ZMIZ1: variants seen among roughly 807,000 people sequenced by gnomAD.
ZMIZ1 encodes zinc finger MIZ domain-containing protein 1.
ZMIZ1 carries 17 observed loss-of-function variants against 113.9 expected under a neutral mutation model. The ratio of observed to expected loss-of-function variants is 0.15; its 90% CI spans 0.10 to 0.22. The LOEUF (loss-of-function observed/expected upper bound fraction) is 0.22. ZMIZ1 is among the 10% of genes least tolerant of loss of function. The probability of loss-of-function intolerance (pLI) is 1.00; values close to 1 mark genes in which losing one functional copy is unlikely to be tolerated. For missense variants in ZMIZ1, 1,059 were observed against 1,477.8 expected (o/e 0.72, Z 4.65); for synonymous variants, 607 against 603.1 (o/e 1.01, Z -0.09).
chr10:79,181,005 A>G (rs1589386403), intron 4 of ZMIZ1, among the ~76,000 whole-genome samples: 1 of 152,234 alleles, frequency 6.6e-6, no homozygotes, highest in Non-Finnish European at 1.5e-5. Context: ...AGGCTGAGTG[A>G]AGGGAAGTGA....
rs1801061816 is a variant in ZMIZ1 at position 79,118,200 on chromosome 10, C to T, written c.-336-715C>T. Among the ~76,000 whole-genome samples, 1 of 152,194 alleles carries T rather than the reference C, an allele frequency of 6.6e-6. No homozygotes were observed. Among genetic ancestry groups the T allele is most frequent in the African/African-American group, 2.4e-5 (1 of 41,450 alleles). ...TCCCTTTCTTCTCATCAATCTGACC[C>T]CATATTCTAGAATCGAATAGAGGAA... is the stretch of plus-strand genomic sequence containing the variant. On this transcript the variant is annotated intron_variant, in intron 1 of 24. Transcript: ENST00000334512. The surrounding 1 kb of genome is among the most constrained non-coding windows in gnomAD (Gnocchi z 4.1).
chr10:79,258,139 T>C (rs1002520251), intron 7 of ZMIZ1, among the ~76,000 whole-genome samples: 2 of 152,166 alleles, frequency 1.3e-5, no homozygotes, highest in Non-Finnish European at 2.9e-5. Flanking sequence ...CCCAGCACTT[T>C]GGGAGGCTGA....
At chr10:79,254,684 G>C (rs1331951609) in intron 7 of ZMIZ1, among the ~76,000 whole-genome samples, 2 of 152,258 alleles carry the variant, frequency 1.3e-5, no homozygotes, top group Non-Finnish European at 2.9e-5. Context: ...CCATTTGGGT[G>C]GGGGATGGCC....
chr10:79,235,318 G>C (rs900786224), intron 7 of ZMIZ1, among the ~76,000 whole-genome samples: 1 of 152,198 alleles, frequency 6.6e-6, no homozygotes, highest in Non-Finnish European at 1.5e-5. Flanking sequence ...AGGCTGCACC[G>C]GGTGATGAAG....
chr10:79,282,523 G>C (rs1486086878), intron 8 of ZMIZ1, among the ~76,000 whole-genome samples: 2 of 152,200 alleles, frequency 1.3e-5, no homozygotes, highest in African/African-American at 4.8e-5. Context: ...TATTTGGAGA[G>C]CTCGGGTGTC....
chr10:79,284,637 C>G (rs1166095223), intron 8 of ZMIZ1, among the ~76,000 whole-genome samples: 5 of 152,114 alleles, frequency 3.3e-5, no homozygotes, highest in Admixed American at 6.5e-5. Context: ...ACTTTTTTCT[C>G]ATGTTTCTTA....
At chr10:79,202,448 A>G (rs987892326) in intron 5 of ZMIZ1, among the ~76,000 whole-genome samples, 2 of 152,116 alleles carry the variant, frequency 1.3e-5, no homozygotes, top group African/African-American at 4.8e-5. Context: ...TATTTTTTAA[A>G]AAAAGAAAAA....
At chr10:79,114,502 T>C (rs868310750) in intron 1 of ZMIZ1, among the ~76,000 whole-genome samples, 21,121 of 72,948 alleles carry the variant, frequency 0.29, 1,953 homozygotes, top group Admixed American at 0.35. Context: ...TGCGTGTGTG[T>C]GTGCGTGTGT....
chr10:79,258,103 C>T (rs1386581973), intron 7 of ZMIZ1, among the ~76,000 whole-genome samples: 1 of 152,054 alleles, frequency 6.6e-6, no homozygotes. Context: ...TTAAATGGGC[C>T]GGGCACGGTG....
intron 18 of ZMIZ1, 81 bp downstream of exon 18, chr10:79,302,293 C>T: frequency 3.5e-6 from 5 of 1,418,322 alleles, no homozygotes; most frequent in South Asian, 1.2e-5. Flanking sequence ...CACCATTCAC[C>T]TGGAACTGAC....
intron 4 of ZMIZ1, 73 bp downstream of exon 4, chr10:79,162,206 GC>G: frequency 2.5e-6 from 1 of 398,528 alleles, no homozygotes; most frequent in East Asian, 3.6e-5. Context: ...GCAGGTGCTA[GC>G]CCTAGCACGC....
intron 1 of ZMIZ1, among the ~76,000 whole-genome samples, chr10:79,110,284 A>C (rs558835947): frequency 6.6e-6 from 1 of 152,362 alleles, no homozygotes; most frequent in Admixed American, 6.5e-5. Context: ...GACACAAAGC[A>C]GCTGCTCAAA....
At chr10:79,193,014 C>T (rs1259940693) in intron 4 of ZMIZ1, among the ~76,000 whole-genome samples, 1 of 152,194 alleles carries the variant, frequency 6.6e-6, no homozygotes, top group Non-Finnish European at 1.5e-5. Context: ...ACTGTCCTTG[C>T]TTCACCACCA....
chr10:79,216,438 C>G (rs1848732488), intron 7 of ZMIZ1, 164 bp downstream of exon 7: 1 of 559,392 alleles, frequency 1.8e-6, no homozygotes, highest in Non-Finnish European at 3.1e-6. Flanking sequence ...CTGGGACCCA[C>G]AGTTGGGGCT....
intron 4 of ZMIZ1, among the ~76,000 whole-genome samples, chr10:79,196,974 G>A (rs970568771): frequency 6.6e-5 from 10 of 152,234 alleles, no homozygotes; most frequent in African/African-American, 2.4e-4. Context: ...GGGCCTGGAA[G>A]CACACCTGGA....
At chr10:79,224,436 C>T (rs1042397491) in intron 7 of ZMIZ1, among the ~76,000 whole-genome samples, 5 of 152,146 alleles carry the variant, frequency 3.3e-5, no homozygotes, top group Admixed American at 2.6e-4. Flanking sequence ...TCTGGTTCCC[C>T]GAGAGCTCCA....
At chr10:79,140,059 C>T (rs1845192257) in intron 3 of ZMIZ1, among the ~76,000 whole-genome samples, 1 of 152,182 alleles carries the variant, frequency 6.6e-6, no homozygotes, top group Non-Finnish European at 1.5e-5. Flanking sequence ...TTCTGTGAGT[C>T]AGTTGTGTCT....
At chr10:79,166,817 A>C (rs1846369490) in intron 4 of ZMIZ1, among the ~76,000 whole-genome samples, 1 of 152,142 alleles carries the variant, frequency 6.6e-6, no homozygotes, top group Non-Finnish European at 1.5e-5. Flanking sequence ...AGGCCCCACC[A>C]CTCACCTGGA....
chr10:79,242,733 G>A (rs1318002518), intron 7 of ZMIZ1, among the ~76,000 whole-genome samples: 1 of 152,014 alleles, frequency 6.6e-6, no homozygotes, highest in Non-Finnish European at 1.5e-5. Context: ...CGCTCCGGGA[G>A]CCCCACTCGC....
Sources: allele counts gnomAD v4.1 joint callset (sites outside exome capture counted in the v4.1 genomes callset), GRCh38; gene constraint gnomAD v4.1.1; non-coding constraint Gnocchi (gnomAD v3.1); transcripts MANE v1.5; gene names NCBI Gene and HGNC (gene_info 2026-07-23, HGNC 2026-07-21).